GTSE1: variants seen among roughly 807,000 people sequenced by gnomAD.
The protein encoded by GTSE1 is G2 and S phase-expressed protein 1.
In GTSE1, 52 loss-of-function variants were observed where a neutral mutation model predicts 60.5. That is an observed-to-expected ratio of 0.86 (90% CI 0.69 to 1.08). The LOEUF (loss-of-function observed/expected upper bound fraction) is 1.08, where lower values mean the gene tolerates loss of function less well. GTSE1 is among the 50% of genes least tolerant of loss of function. The pLI, the probability that GTSE1 is intolerant of heterozygous loss-of-function variation, is 0.00. For missense variants in GTSE1, 937 were observed against 961.8 expected (o/e 0.97, Z 0.34); for synonymous variants, 368 against 386.5 (o/e 0.95, Z 0.56).
chr22:46,319,038 A>G lies in GTSE1; in HGVS notation c.1432+2626A>G, dbSNP rs2077797121. On this transcript the variant is annotated intron_variant, in intron 7 of 11. Coordinates refer to ENST00000454366, the MANE Select transcript of GTSE1 (RefSeq NM_016426.7). The surrounding 1 kb of genome is among the most constrained non-coding windows in gnomAD (Gnocchi z 5.0). ...TGAGTACGACGCTTCCCTGCACAGG[A>G]TGCTAGGACACGTTGTCTTTATTCC... Among the ~76,000 whole-genome samples the G allele has an allele frequency of 6.6e-6, 1 of 152,188 alleles. No homozygotes were observed. Among genetic ancestry groups the G allele is most frequent in the Admixed American group, 6.5e-5 (1 of 15,280 alleles).
In GTSE1 at chr22:46,308,525, G is replaced by T; in HGVS notation, c.344G>T (p.Ser115Ile). The T allele has an allele frequency of 1.2e-6, 2 of 1,614,212 alleles. No homozygotes were observed. Among genetic ancestry groups the T allele is most frequent in the Non-Finnish European group, 8.5e-7 (1 of 1,180,014 alleles). ...TTACTGGCTTTACACATTGAGAGCA[G>T]CAGCCGGAACCAGGCAGCCCAAGCT... The part of the protein sequence containing the change: ...AHLLALHIES[S>I]SRNQAAQAAK... Residue 115 changes from serine (S) to isoleucine (I), a missense_variant, in exon 4 of 12, where the codon AGC (serine) becomes ATC (isoleucine). Ser to Ile is a moderately radical substitution (Grantham distance 142). Transcript: ENST00000454366.
At chr22:46,306,433 G>A (rs1003673347) in intron 2 of GTSE1, among the ~76,000 whole-genome samples, 4 of 150,856 alleles carry the variant, frequency 2.7e-5, no homozygotes, top group Non-Finnish European at 2.9e-5. Flanking sequence ...CGCCCGCCTC[G>A]GCCTCCCAAA....
Position 46,329,064 on chromosome 22 carries a change from G to C in GTSE1, c.1926+175G>C. 1.6e-6 allele frequency: 1 copy of C among 624,896 alleles called. No individual in the cohort carries two copies. 38.7% of individuals were successfully genotyped at this position (624,896 alleles called of 1,614,324 possible). On this transcript the variant is annotated intron_variant, in intron 10 of 11. Transcript: ENST00000454366. The surrounding 1 kb of genome is among the most constrained non-coding windows in gnomAD (Gnocchi z 6.4). ...GGCAGTCAGGACTTCCAGGCCTCCA[G>C]GGGAGAAAGCCCTGCATTTGACTAA...
In GTSE1 at chr22:46,314,258, C is replaced by T. The variant is rs1486128454; in HGVS notation, c.1051+245C>T. Among the ~76,000 whole-genome samples, 2 of 152,180 alleles carry T rather than the reference C, an allele frequency of 1.3e-5. No homozygotes were observed. Among genetic ancestry groups the T allele is most frequent in the African/African-American group, 4.8e-5 (2 of 41,438 alleles). On this transcript the variant is annotated intron_variant, in intron 6 of 11. Coordinates refer to ENST00000454366, the MANE Select transcript of GTSE1 (RefSeq NM_016426.7). The surrounding 1 kb of genome is among the most constrained non-coding windows in gnomAD (Gnocchi z 7.1). ...CTACGGGGTACACATGGCCAGAAAG[C>T]ATGTATGATACCCCGTGCCTGAGAA...
chr22:46,301,024 A>G (rs2147811691), intron 2 of GTSE1, among the ~76,000 whole-genome samples: 1 of 152,250 alleles, frequency 6.6e-6, no homozygotes, highest in Admixed American at 6.5e-5. Context: ...CCTGTCCTGA[A>G]TCTTGTTTTT....
chr22:46,298,308 C>G (rs916801524), intron 2 of GTSE1, among the ~76,000 whole-genome samples: 14 of 150,910 alleles, frequency 9.3e-5, no homozygotes, highest in African/African-American at 3.4e-4. Context: ...TCACACTACC[C>G]AAGGATCCTT....
intron 9 of GTSE1, 142 bp from the exon 10 acceptor site, chr22:46,328,546 G>T: frequency 1.6e-6 from 1 of 620,746 alleles, no homozygotes. Context: ...ACAGGAAACT[G>T]GGGGTCTGGA....
chr22:46,323,256 T>G lies in GTSE1; in HGVS notation c.1499T>G (p.Val500Gly). ...CAGCGGCCGCAGTCGTGCACGTCAG[T>G]TGGCAGGTGAGTGACGTTGGTCCGC... The part of the protein sequence containing the change: ...RAQRPQSCTS[V>G]GRVTVHSTPV... The change falls in exon 8 of 12, where the codon GTT becomes GGT. Residue 500 changes from valine to glycine, a missense_variant. Transcript: ENST00000454366. The G allele has an allele frequency of 6.2e-7, 1 of 1,612,854 alleles. No individual in the cohort carries two copies. Among genetic ancestry groups the G allele is most frequent in the Non-Finnish European group, 8.5e-7 (1 of 1,178,800 alleles).
At position 46,315,304 on chromosome 22, in the gene GTSE1, G is replaced by A. The variant is rs1016200149; in HGVS notation, c.1052-728G>A. Among the ~76,000 whole-genome samples the A allele has an allele frequency of 2.8e-4, 43 of 152,074 alleles. 1 individual carries two copies. Among genetic ancestry groups the A allele is most frequent in the Admixed American group, 1.2e-3 (19 of 15,258 alleles). ...GATCTCTTGACCTCGTGATCCGCCC[G>A]CCTTGGCCTCCCAAAGTGCTAGGAT... is the stretch of plus-strand genomic sequence containing the variant. On this transcript the variant is annotated intron_variant, in intron 6 of 11. Transcript: ENST00000454366.
Position 46,329,966 on chromosome 22 carries a change from G to T in GTSE1, c.2137-81G>T, listed in dbSNP as rs1256331350. ...TGAGCGAGTGGCTGTGATGACCCAC[G>T]CAGCCAGTCCTCTGTGCAGGGAGGG... On this transcript the variant is annotated intron_variant, in intron 11 of 11. Transcript: ENST00000454366. The surrounding 1 kb of genome is among the most constrained non-coding windows in gnomAD (Gnocchi z 6.4). 1.2e-6 allele frequency: 1 copy of T among 857,972 alleles called. No individual in the cohort carries two copies. The highest frequency in any genetic ancestry group is 1.7e-5 in the African/African-American group (1 of 60,458). 53.1% of individuals were successfully genotyped at this position (857,972 alleles called of 1,614,324 possible).
chr22:46,316,041 G>A lies in GTSE1; in HGVS notation c.1061G>A (p.Ser354Asn). The change falls in exon 7 of 12, where the codon AGT becomes AAT. Residue 354 changes from serine to asparagine, a missense_variant. Transcript: ENST00000454366. The surrounding 1 kb of genome is among the most constrained non-coding windows in gnomAD (Gnocchi z 5.0). ...TGTGTATACCTTCTAGCTAAATCAA[G>A]TGAATTTGCAAGTATTCCTGCAAAT... ...TSPAVGKAKS[S>N]EFASIPANSS... 2 of 1,511,336 alleles carry A rather than the reference G, an allele frequency of 1.3e-6. No homozygotes were observed. Among genetic ancestry groups the A allele is most frequent in the Admixed American group, 2.3e-5 (1 of 43,510 alleles). The allele number at this position is 1,511,336 out of a possible 1,614,324, so 93.6% of individuals were successfully genotyped here.
chr22:46,323,273 T>C lies in GTSE1; in HGVS notation c.1505+11T>C, dbSNP rs754789241. The C allele has an allele frequency of 4.4e-6, 7 of 1,600,916 alleles. No individual in the cohort carries two copies. In the Admixed American group the frequency reaches 1.2e-4, roughly 27 times the overall value. On this transcript the variant is annotated intron_variant, in intron 8 of 11. Coordinates refer to ENST00000454366, the MANE Select transcript of GTSE1 (RefSeq NM_016426.7). Reference sequence around the variant, plus strand: ...CACGTCAGTTGGCAGGTGAGTGACGTTGGTCCGCTTCCTCTCTTTATTGCT... The same window carrying C: ...CACGTCAGTTGGCAGGTGAGTGACGCTGGTCCGCTTCCTCTCTTTATTGCT...
intron 7 of GTSE1, among the ~76,000 whole-genome samples, chr22:46,322,897 A>G (rs1190378016): frequency 6.6e-6 from 1 of 152,184 alleles, no homozygotes; most frequent in Non-Finnish European, 1.5e-5. Flanking sequence ...CTGATGGGAT[A>G]TACAGCCAGG....
rs931796776 is a variant in GTSE1, at chr22:46,321,325, A to C, written c.1433-1865A>C. Among the ~76,000 whole-genome samples, 6 of 152,144 alleles carry C rather than the reference A, an allele frequency of 3.9e-5. No homozygotes were observed. Among genetic ancestry groups the C allele is most frequent in the Non-Finnish European group, 8.8e-5 (6 of 68,026 alleles). ...AGACTGAGGCAGGAAGATTACTTGAACCCAGGAGTTCAAGGCTGCAGTGAG... is the reference window on the plus strand; with the variant it reads ...AGACTGAGGCAGGAAGATTACTTGACCCCAGGAGTTCAAGGCTGCAGTGAG... On this transcript the variant is annotated intron_variant, in intron 7 of 11. Transcript: ENST00000454366. This position sits in a 1 kb window ranked among gnomAD's most constrained non-coding sequence, Gnocchi z 4.0.
chr22:46,314,764 T>C lies in GTSE1; in HGVS notation c.1051+751T>C, dbSNP rs1000544279. On this transcript the variant is annotated intron_variant, in intron 6 of 11. Coordinates refer to ENST00000454366, the MANE Select transcript of GTSE1 (RefSeq NM_016426.7). This position sits in a 1 kb window ranked among gnomAD's most constrained non-coding sequence, Gnocchi z 7.1. ...GGTGGCGGGTGCCTGTAGTCCCAGCTACTCGGGAGACTGGGCCACGAGAAT... is the reference window on the plus strand; with the variant it reads ...GGTGGCGGGTGCCTGTAGTCCCAGCCACTCGGGAGACTGGGCCACGAGAAT... Among the ~76,000 whole-genome samples the C allele has an allele frequency of 9.3e-5, 14 of 149,976 alleles. No homozygotes were observed. The highest frequency in any genetic ancestry group is 1.8e-4 in the Non-Finnish European group (12 of 67,748).
chr22:46,323,266 A>G lies in GTSE1; in HGVS notation c.1505+4A>G. ...AGTCGTGCACGTCAGTTGGCAGGTG[A>G]GTGACGTTGGTCCGCTTCCTCTCTT... is the stretch of plus-strand genomic sequence containing the variant. On this transcript the variant is annotated splice_donor_region_variant and intron_variant, in intron 8 of 11. Transcript: ENST00000454366. The G allele has an allele frequency of 6.2e-7, 1 of 1,609,884 alleles. No homozygotes were observed. The highest frequency in any genetic ancestry group is 8.5e-7 in the Non-Finnish European group (1 of 1,176,206).
chr22:46,312,658 A>T (rs1440209180), intron 5 of GTSE1, among the ~76,000 whole-genome samples: 1 of 147,816 alleles, frequency 6.8e-6, no homozygotes, highest in South Asian at 2.1e-4. Flanking sequence ...AAAAAAAAAG[A>T]GGTGGAAAAG....
At chr22:46,322,723 A>T (rs1426358169) in intron 7 of GTSE1, among the ~76,000 whole-genome samples, 1 of 152,182 alleles carries the variant, frequency 6.6e-6, no homozygotes. Context: ...ATGAATTATT[A>T]TTATCCCAGT....
chr22:46,326,446 C>T lies in GTSE1; in HGVS notation c.1516C>T (p.His506Tyr), dbSNP rs1303260125. ...SCTSVGRVTV[H>Y]STPVRRSSGP... Reference sequence around the variant, plus strand: ...TGTTGTGTTTGCCAGGGTCACTGTCCACAGCACCCCGGTTAGACGCTCATC... The same window carrying T: ...TGTTGTGTTTGCCAGGGTCACTGTCTACAGCACCCCGGTTAGACGCTCATC... The change falls in exon 9 of 12, where the codon CAC becomes TAC. Residue 506 changes from histidine (H) to tyrosine (Y), a missense_variant. Transcript: ENST00000454366. The T allele has an allele frequency of 6.2e-7, 1 of 1,605,030 alleles. No homozygotes were observed. The highest frequency in any genetic ancestry group is 1.1e-5 in the South Asian group (1 of 90,364).
Sources: allele counts gnomAD v4.1 joint callset (sites outside exome capture counted in the v4.1 genomes callset), GRCh38; gene constraint gnomAD v4.1.1; non-coding constraint Gnocchi (gnomAD v3.1); transcripts MANE v1.5; gene names NCBI Gene and HGNC (gene_info 2026-07-23, HGNC 2026-07-21).